HHIPL1: variants seen among roughly 807,000 people sequenced by gnomAD.
The protein encoded by HHIPL1 is HHIP like 1.
A neutral mutation model predicts 61.8 loss-of-function variants in HHIPL1; 43 were observed. The ratio of observed to expected loss-of-function variants is 0.70; its 90% CI spans 0.55 to 0.90. The LOEUF is 0.90. Among genes scored for constraint, HHIPL1 ranks in the 40% least tolerant of loss-of-function variants. HHIPL1 has a pLI of 0.00. For synonymous variants in HHIPL1, 482 were observed against 515.8 expected, an observed-to-expected ratio of 0.93 and a Z score of 0.89; for missense variants, 1,056 against 1,157.7, an observed-to-expected ratio of 0.91 and a Z score of 1.28.
chr14:99,621,498 G>A, the HHIPL1 span, among the ~76,000 whole-genome samples: 1 of 152,108 alleles, frequency 6.6e-6, no homozygotes, highest in African/African-American at 2.4e-5. Flanking sequence ...CAGCTATTGT[G>A]AGTGGGCACA....
upstream of HHIPL1, among the ~76,000 whole-genome samples, chr14:99,640,214 C>T (rs535804158): frequency 9.2e-5 from 14 of 152,298 alleles, no homozygotes; most frequent in Admixed American, 6.5e-4. Flanking sequence ...ATTTCTTTTA[C>T]AATTATTTTA....
At position 99,675,029 on chromosome 14, in the gene HHIPL1, G is replaced by A. The variant is rs2056370254; in HGVS notation, c.1814-62G>A. On this transcript the variant is annotated intron_variant, in intron 8 of 8. Transcript: ENST00000330710. The surrounding 1 kb of genome is among the most constrained non-coding windows in gnomAD (Gnocchi z 5.4). ...CACAGGTTGCAGGGCAGCACAGGGT[G>A]GGCAGCAGGGCTGGACAGGGGCGCC... The A allele has an allele frequency of 1.1e-6, 1 of 923,040 alleles. No individual in the cohort carries two copies. The highest frequency in any genetic ancestry group is 1.3e-6 in the Non-Finnish European group (1 of 742,122). 57.2% of individuals were successfully genotyped at this position (923,040 alleles called of 1,614,324 possible). A position where few individuals can be genotyped will look rare whatever the true frequency, so the allele number is the denominator to read the frequency against.
the HHIPL1 span, among the ~76,000 whole-genome samples, chr14:99,610,988 C>T: frequency 4.6e-5 from 7 of 152,152 alleles, no homozygotes; most frequent in Non-Finnish European, 7.4e-5. Context: ...ACCCATTTGA[C>T]GGAAGTAGTA....
intron 1 of HHIPL1, among the ~76,000 whole-genome samples, chr14:99,647,738 C>T (rs1009163197): frequency 6.6e-6 from 1 of 152,186 alleles, no homozygotes; most frequent in Non-Finnish European, 1.5e-5. Context: ...CTGATTTCCA[C>T]ACGGGGAGGT....
At chr14:99,635,671 C>A in the HHIPL1 span, among the ~76,000 whole-genome samples, 2 of 152,074 alleles carry the variant, frequency 1.3e-5, no homozygotes, top group African/African-American at 2.4e-5. Flanking sequence ...TTCATTCATT[C>A]ATTTCCTACT....
At chr14:99,610,708 C>T in the HHIPL1 span, among the ~76,000 whole-genome samples, 1 of 152,124 alleles carries the variant, frequency 6.6e-6, no homozygotes, top group South Asian at 2.1e-4. Flanking sequence ...TTGCAGTGAG[C>T]AGAGATCATG....
chr14:99,618,833 G>A, the HHIPL1 span, among the ~76,000 whole-genome samples: 2 of 152,240 alleles, frequency 1.3e-5, no homozygotes, highest in Non-Finnish European at 1.5e-5. Context: ...TGCGAGGGGT[G>A]CACATCTGGT....
At chr14:99,663,835 G>A (rs2140083147) in intron 6 of HHIPL1, among the ~76,000 whole-genome samples, 1 of 152,334 alleles carries the variant, frequency 6.6e-6, no homozygotes, top group East Asian at 1.9e-4. Flanking sequence ...ACATGGGTAA[G>A]CGTCCATGCC....
Position 99,672,262 on chromosome 14 carries a change from C to A in HHIPL1, c.1731-55C>A, listed in dbSNP as rs566938496. ...CCTGCCTCACTGTAGAGAAAAGGCA[C>A]CCTCAGGGTGGGCTCCCAGGGTGAG... On this transcript the variant is annotated intron_variant, in intron 7 of 8. Coordinates refer to ENST00000330710, the MANE Select transcript of HHIPL1 (RefSeq NM_001127258.3). The A allele has an allele frequency of 1.7e-5, 24 of 1,454,480 alleles. 1 individual carries two copies. The African/African-American group carries it at 2.1e-4, about 13-fold the overall frequency. 90.1% of individuals were successfully genotyped at this position (1,454,480 alleles called of 1,614,324 possible).
chr14:99,656,924 G>C (rs2056055724), intron 2 of HHIPL1, 76 bp from the exon 3 acceptor site: 1 of 1,239,286 alleles, frequency 8.1e-7, no homozygotes, highest in South Asian at 1.7e-5. Context: ...TGACATCCAA[G>C]GAGACCGTGA....
At position 99,660,534 on chromosome 14, in the gene HHIPL1, C is replaced by T; in HGVS notation, c.1502+128C>T. 1 of 1,227,542 alleles carries T rather than the reference C, an allele frequency of 8.1e-7. No individual in the cohort carries two copies. The highest frequency in any genetic ancestry group is 1.1e-6 in the Non-Finnish European group (1 of 874,724). 76.0% of individuals were successfully genotyped at this position (1,227,542 alleles called of 1,614,324 possible). A position where few individuals can be genotyped will look rare whatever the true frequency, so the allele number is the denominator to read the frequency against. ...GTGCCTCGCTGCTCTGACAGGGGCC[C>T]CTAGGTGTGGGCCGGACACCCGCAT... On this transcript the variant is annotated intron_variant, in intron 5 of 8. Transcript: ENST00000330710. This position sits in a 1 kb window ranked among gnomAD's most constrained non-coding sequence, Gnocchi z 4.9.
At position 99,668,472 on chromosome 14, in the gene HHIPL1, G is replaced by T. The variant is rs2056282829; in HGVS notation, c.1730+169G>T. On this transcript the variant is annotated intron_variant, in intron 7 of 8. Transcript: ENST00000330710. This position sits in a 1 kb window ranked among gnomAD's most constrained non-coding sequence, Gnocchi z 4.7. ...TGATTTGCCTCAGTTCCTCCGGCAA[G>T]GGGCAGACCCAGGATTCAGACCCGG... Among the ~76,000 whole-genome samples, 1 of 152,102 alleles carries T rather than the reference G, an allele frequency of 6.6e-6. No homozygotes were observed. The highest frequency in any genetic ancestry group is 6.5e-5 in the Admixed American group (1 of 15,284).
At chr14:99,619,436 G>A in the HHIPL1 span, among the ~76,000 whole-genome samples, 4 of 150,472 alleles carry the variant, frequency 2.7e-5, no homozygotes, top group African/African-American at 4.9e-5. Context: ...CACTCTAGCC[G>A]GGGTGACAGT....
At position 99,660,516 on chromosome 14, in the gene HHIPL1, G is replaced by A; in HGVS notation, c.1502+110G>A. 4 of 1,368,878 alleles carry A rather than the reference G, an allele frequency of 2.9e-6. No homozygotes were observed. The highest frequency in any genetic ancestry group is 4.0e-6 in the Non-Finnish European group (4 of 995,800). The allele number at this position is 1,368,878 out of a possible 1,614,324, so 84.8% of individuals were successfully genotyped here. A position where few individuals can be genotyped will look rare whatever the true frequency, so the allele number is the denominator to read the frequency against. Reference sequence around the variant, plus strand: ...GCGCCCGTTCCTGCACATGTGCCTCGCTGCTCTGACAGGGGCCCCTAGGTG... The same window carrying A: ...GCGCCCGTTCCTGCACATGTGCCTCACTGCTCTGACAGGGGCCCCTAGGTG... On this transcript the variant is annotated intron_variant, in intron 5 of 8. Coordinates refer to ENST00000330710, the MANE Select transcript of HHIPL1 (RefSeq NM_001127258.3). The surrounding 1 kb of genome is among the most constrained non-coding windows in gnomAD (Gnocchi z 4.9).
intron 1 of HHIPL1, among the ~76,000 whole-genome samples, chr14:99,651,799 C>T (rs1315330005): frequency 2.0e-5 from 3 of 152,098 alleles, no homozygotes; most frequent in South Asian, 2.1e-4. Flanking sequence ...AGATAGAGGC[C>T]GGAAGGTACT....
intron 7 of HHIPL1, among the ~76,000 whole-genome samples, chr14:99,669,934 G>A (rs886238771): frequency 5.9e-5 from 9 of 152,044 alleles, no homozygotes; most frequent in Non-Finnish European, 8.8e-5. Flanking sequence ...CAAAACAAAA[G>A]ACATTTTAGA....
intron 3 of HHIPL1, among the ~76,000 whole-genome samples, chr14:99,659,148 G>C (rs952749475): frequency 6.6e-6 from 1 of 152,218 alleles, no homozygotes; most frequent in Non-Finnish European, 1.5e-5. Context: ...CTACCTAAAC[G>C]ACTGTTGTGA....
At chr14:99,635,867 G>A in the HHIPL1 span, among the ~76,000 whole-genome samples, 3 of 152,244 alleles carry the variant, frequency 2.0e-5, no homozygotes, top group East Asian at 3.9e-4. Flanking sequence ...ATATAAATGC[G>A]TTTCCATGCA....
At chr14:99,637,077 A>AAG in the HHIPL1 span, among the ~76,000 whole-genome samples, 2,454 of 101,366 alleles carry the variant, frequency 0.024, 183 homozygotes, top group African/African-American at 0.074. Flanking sequence ...AAAGAAAGAG[A>AAG]GAGAAAGAAA....
Sources: gnomAD v4.1 joint callset for allele counts (sites outside exome capture counted in the v4.1 genomes callset) on GRCh38, gnomAD v4.1.1 for gene constraint, Gnocchi (gnomAD v3.1) non-coding constraint, MANE v1.5 for transcripts, NCBI Gene and HGNC (gene_info 2026-07-23, HGNC 2026-07-21) for gene names.